The following RAD18 variants were observed in gnomAD, a reference collection of about 807,000 sequenced individuals.
RAD18 encodes E3 ubiquitin-protein ligase RAD18.
In RAD18, 47 loss-of-function variants were observed where a neutral mutation model predicts 60.4. The observed-to-expected ratio is 0.78, with a 90% CI of 0.62 to 0.99. The LOEUF is 0.99. Ranked by LOEUF, RAD18 falls within the 50% of genes least tolerant of loss-of-function variation. The pLI is 0.00. For missense variants in RAD18, 640 were observed against 593.3 expected (o/e 1.08, Z -0.82); for synonymous variants, 225 against 195.5 (o/e 1.15, Z -1.26).
intron 7 of RAD18, among the ~76,000 whole-genome samples, chr3:8,923,050 C>T (rs1382164648): frequency 6.6e-6 from 1 of 152,212 alleles, no homozygotes; most frequent in Admixed American, 6.5e-5. Flanking sequence ...AGCAACAGAA[C>T]ACAGCTGGAC....
intron 7 of RAD18, among the ~76,000 whole-genome samples, chr3:8,928,442 C>T (rs1277697401): frequency 6.6e-6 from 1 of 151,922 alleles, no homozygotes; most frequent in African/African-American, 2.4e-5. Flanking sequence ...TAAAACACAG[C>T]TTAAACATAA....
chr3:8,898,996 A>G lies in RAD18; in HGVS notation c.1220T>C (p.Leu407Pro), dbSNP rs1302761263. 1 of 1,609,182 alleles carries G rather than the reference A, an allele frequency of 6.2e-7. No individual in the cohort carries two copies. The highest frequency in any genetic ancestry group is 8.5e-7 in the Non-Finnish European group (1 of 1,177,082). The change falls in exon 11 of 13, where the codon CTG (leucine) becomes CCG (proline). Residue 407 changes from leucine to proline, a missense_variant. Coordinates refer to ENST00000264926, the MANE Select transcript of RAD18 (RefSeq NM_020165.4). Reference protein sequence around the residue: ...SVTNHFSQSKLDSPEELEPDR... With the variant: ...SVTNHFSQSKPDSPEELEPDR... ...AGGTTCCAATTCCTCTGGGGAGTCCAGCTTTGATTGAGAAAAGTGGTTTGT... is the reference window on the plus strand; with the variant it reads ...AGGTTCCAATTCCTCTGGGGAGTCCGGCTTTGATTGAGAAAAGTGGTTTGT...
intron 9 of RAD18, among the ~76,000 whole-genome samples, chr3:8,910,464 G>C (rs1347616095): frequency 6.6e-6 from 1 of 152,092 alleles, no homozygotes; most frequent in East Asian, 1.9e-4. Context: ...GCCAGGCGTG[G>C]TGGCAGGCGC....
At chr3:8,891,075 A>AATATATATATATATATATAT (rs71049753) in intron 11 of RAD18, among the ~76,000 whole-genome samples, 20 of 25,964 alleles carry the variant, frequency 7.7e-4, no homozygotes, top group African/African-American at 1.4e-3. Flanking sequence ...ATATATATAA[A>AATATATATATATATATATAT]ATATATATAT....
intron 7 of RAD18, among the ~76,000 whole-genome samples, chr3:8,922,295 G>A (rs144635113): frequency 0.023 from 3,442 of 152,318 alleles, 59 homozygotes; most frequent in Non-Finnish European, 0.032. Context: ...ATTATATCCC[G>A]TGCCTGGCTC....
intron 7 of RAD18, among the ~76,000 whole-genome samples, chr3:8,920,278 CAAAA>C (rs60504682): frequency 1.4e-5 from 1 of 70,066 alleles, no homozygotes. Flanking sequence ...GACTCCGTCT[CAAAA>C]AAAAAAAAAA....
At chr3:8,934,769 G>A (rs1168808711) in intron 7 of RAD18, among the ~76,000 whole-genome samples, 2 of 152,134 alleles carry the variant, frequency 1.3e-5, no homozygotes, top group Admixed American at 6.5e-5. Context: ...ATATATAAAA[G>A]ATTATTTGTA....
chr3:8,915,435 A>G (rs1575544215), intron 7 of RAD18, among the ~76,000 whole-genome samples: 1 of 152,322 alleles, frequency 6.6e-6, no homozygotes, highest in African/African-American at 2.4e-5. Flanking sequence ...AGTACACCAG[A>G]GAAAAATTGG....
intron 7 of RAD18, among the ~76,000 whole-genome samples, chr3:8,932,579 A>T (rs2125063663): frequency 6.6e-6 from 1 of 152,110 alleles, no homozygotes; most frequent in South Asian, 2.1e-4. Flanking sequence ...GTCATTTGAA[A>T]AACTGTATGG....
intron 2 of RAD18, among the ~76,000 whole-genome samples, chr3:8,951,314 C>G (rs1483866982): frequency 6.6e-6 from 1 of 152,184 alleles, no homozygotes; most frequent in Non-Finnish European, 1.5e-5. Context: ...TGACTTCTCA[C>G]AAACCACAGA....
intron 7 of RAD18, among the ~76,000 whole-genome samples, chr3:8,920,922 A>G (rs1277452198): frequency 1.3e-5 from 2 of 152,256 alleles, no homozygotes; most frequent in Non-Finnish European, 2.9e-5. Flanking sequence ...GGGTCCACTA[A>G]CAAAACTGGA....
At chr3:8,929,087 G>C (rs646687) in intron 7 of RAD18, among the ~76,000 whole-genome samples, 1 of 151,976 alleles carries the variant, frequency 6.6e-6, no homozygotes, top group South Asian at 2.1e-4. Context: ...TCTGTGAATA[G>C]AGGTAAAATA....
chr3:8,883,381 T>G (rs1939506322), intron 12 of RAD18, among the ~76,000 whole-genome samples: 1 of 152,226 alleles, frequency 6.6e-6, no homozygotes. Flanking sequence ...TATTATTGTT[T>G]AGTGACTTTT....
At chr3:8,948,151 AT>A (rs1192938629) in intron 3 of RAD18, among the ~76,000 whole-genome samples, 1 of 152,222 alleles carries the variant, frequency 6.6e-6, no homozygotes, top group Non-Finnish European at 1.5e-5. Flanking sequence ...ACAGCCATGC[AT>A]ATTTACCTTC....
intron 7 of RAD18, among the ~76,000 whole-genome samples, chr3:8,928,571 GCTAA>G (rs1265568465): frequency 6.6e-6 from 1 of 151,920 alleles, no homozygotes; most frequent in Admixed American, 6.6e-5. Context: ...TAATAAACAG[GCTAA>G]CTAATCAAGA....
At chr3:8,946,240 G>T (rs954812710) in intron 4 of RAD18, among the ~76,000 whole-genome samples, 1 of 152,122 alleles carries the variant, frequency 6.6e-6, no homozygotes, top group Admixed American at 6.5e-5. Flanking sequence ...CCATTGTGTT[G>T]CAACTGCCTA....
In RAD18 at chr3:8,948,694, A is replaced by G. The variant is rs551466579; in HGVS notation, c.134-124T>C. ...ATCTAAGGTATATCATCATAAGCTT[A>G]AATTTCTAGTACCTCTACTCTATGC... On this transcript the variant is annotated intron_variant, in intron 2 of 12. Coordinates refer to ENST00000264926, the MANE Select transcript of RAD18 (RefSeq NM_020165.4). The G allele has an allele frequency of 5.8e-5, 42 of 720,490 alleles. 1 individual carries two copies. The East Asian group carries it at 1.1e-3, about 19-fold the overall frequency. 44.6% of individuals were successfully genotyped at this position (720,490 alleles called of 1,614,324 possible).
intron 6 of RAD18, among the ~76,000 whole-genome samples, chr3:8,936,752 G>A (rs1359071150): frequency 2.0e-5 from 3 of 152,278 alleles, no homozygotes; most frequent in East Asian, 3.9e-4. Flanking sequence ...TGTCCCAAAC[G>A]TTAGTGTACC....
intron 7 of RAD18, among the ~76,000 whole-genome samples, chr3:8,921,220 T>C (rs781458669): frequency 6.6e-6 from 1 of 152,252 alleles, no homozygotes; most frequent in Non-Finnish European, 1.5e-5. Context: ...GGGTACAGTC[T>C]ATGCATTCAC....
Sources: allele counts gnomAD v4.1 joint callset (sites outside exome capture counted in the v4.1 genomes callset), GRCh38; gene constraint gnomAD v4.1.1; transcripts MANE v1.5; gene names NCBI Gene and HGNC (gene_info 2026-07-23, HGNC 2026-07-21).